Variants in FOXP1 observed in about 807,000 individuals in gnomAD.
FOXP1 encodes forkhead box protein P1.
FOXP1 carries 15 observed loss-of-function variants against 98.2 expected under a neutral mutation model. The ratio of observed to expected loss-of-function variants is 0.15; its 90% confidence interval spans 0.10 to 0.24. FOXP1 has a LOEUF of 0.24. Ranked by LOEUF, FOXP1 falls within the 10% of genes least tolerant of loss-of-function variation. The pLI, the probability that FOXP1 is intolerant of heterozygous loss-of-function variation, is 1.00. For synonymous variants in FOXP1, 371 were observed against 314.5 expected, an observed-to-expected ratio of 1.18 and a Z score of -1.90; for missense variants, 633 against 848.5, an observed-to-expected ratio of 0.75 and a Z score of 3.15.
At chr3:71,502,239 C>A (rs542383737) in intron 2 of FOXP1, among the ~76,000 whole-genome samples, 28 of 152,348 alleles carry the variant, frequency 1.8e-4, no homozygotes, top group African/African-American at 6.7e-4. Flanking sequence ...ACAAGGCAGG[C>A]CCCCTGCTAG....
chr3:71,415,237 C>T (rs1175571707), intron 3 of FOXP1, among the ~76,000 whole-genome samples: 2 of 152,172 alleles, frequency 1.3e-5, no homozygotes, highest in African/African-American at 4.8e-5. Context: ...AACCATCCTC[C>T]ATAGATTACC....
chr3:71,132,205 A>G (rs981657267), intron 6 of FOXP1, among the ~76,000 whole-genome samples: 2 of 152,238 alleles, frequency 1.3e-5, no homozygotes, highest in African/African-American at 4.8e-5. Context: ...CAGGAAAACC[A>G]TCTCTCAACA....
intron 3 of FOXP1, among the ~76,000 whole-genome samples, chr3:71,393,669 T>C (rs1370072470): frequency 1.3e-5 from 2 of 152,156 alleles, no homozygotes. Flanking sequence ...CTAAGCAAAA[T>C]GCAAAATTCT....
At chr3:71,214,991 G>T (rs554872270) in intron 5 of FOXP1, among the ~76,000 whole-genome samples, 1 of 152,304 alleles carries the variant, frequency 6.6e-6, no homozygotes, top group East Asian at 1.9e-4. Context: ...GTGGACAGCC[G>T]CAAAGGCATC....
At chr3:71,163,927 T>C (rs77342217) in intron 6 of FOXP1, among the ~76,000 whole-genome samples, 9,891 of 151,852 alleles carry the variant, frequency 0.065, 465 homozygotes, top group Non-Finnish European at 0.095. Context: ...CCACAGAGAG[T>C]GTGGAGAAAG....
intron 3 of FOXP1, among the ~76,000 whole-genome samples, chr3:71,448,899 A>T (rs1237240292): frequency 7.9e-5 from 12 of 152,172 alleles, no homozygotes; most frequent in Non-Finnish European, 1.5e-5. Context: ...TTCATGGAGG[A>T]CACTTGCAAC....
intron 7 of FOXP1, among the ~76,000 whole-genome samples, chr3:71,069,433 C>T (rs187176853): frequency 6.6e-6 from 1 of 152,328 alleles, no homozygotes; most frequent in East Asian, 1.9e-4. Context: ...CTGCATTTGA[C>T]AGTAATAAAT....
intron 12 of FOXP1, among the ~76,000 whole-genome samples, chr3:71,012,032 T>C (rs2043727244): frequency 6.6e-6 from 1 of 152,174 alleles, no homozygotes; most frequent in Admixed American, 6.6e-5. Flanking sequence ...TTTTTTACGG[T>C]AGGCATAAGT....
chr3:71,064,066 C>A (rs2051972450), intron 7 of FOXP1, among the ~76,000 whole-genome samples: 1 of 152,108 alleles, frequency 6.6e-6, no homozygotes, highest in South Asian at 2.1e-4. Context: ...TGCTGCACGT[C>A]CAAACCCAAA....
At chr3:71,464,967 T>G (rs2088540566) in intron 3 of FOXP1, among the ~76,000 whole-genome samples, 1 of 152,178 alleles carries the variant, frequency 6.6e-6, no homozygotes, top group African/African-American at 2.4e-5. Flanking sequence ...CTCATAGGGT[T>G]TTCTACCATG....
At chr3:71,428,905 G>A (rs1263812453) in intron 3 of FOXP1, among the ~76,000 whole-genome samples, 2 of 152,212 alleles carry the variant, frequency 1.3e-5, no homozygotes, top group East Asian at 3.8e-4. Context: ...CTGAAGCCGG[G>A]GCTTTCCTGG....
chr3:71,447,743 A>G (rs1293798755), intron 3 of FOXP1, among the ~76,000 whole-genome samples: 1 of 152,162 alleles, frequency 6.6e-6, no homozygotes, highest in Non-Finnish European at 1.5e-5. Context: ...CCTTTTTCAT[A>G]TATTTTTATT....
chr3:71,358,862 T>G (rs928300386), intron 4 of FOXP1, among the ~76,000 whole-genome samples: 3 of 152,162 alleles, frequency 2.0e-5, no homozygotes, highest in Non-Finnish European at 4.4e-5. Flanking sequence ...ACTGTATGGC[T>G]CATGAGGATG....
At position 71,493,411 on chromosome 3, in the gene FOXP1, C is replaced by T. The variant is rs2091202514; in HGVS notation, c.-168+15G>A. ...GAATTTTCAGATGAATAATCACAAA[C>T]ATTCATTCACTCACCCTTTTGGCTA... On this transcript the variant is annotated intron_variant, in intron 3 of 20. Transcript: ENST00000649528. 6.6e-6 allele frequency: 1 copy of T among 152,212 alleles called. No homozygotes were observed. Among genetic ancestry groups the T allele is most frequent in the South Asian group, 2.1e-4 (1 of 4,836 alleles). 9.4% of individuals were successfully genotyped at this position (152,212 alleles called of 1,614,324 possible).
chr3:71,408,662 C>A (rs2082513373), intron 3 of FOXP1, among the ~76,000 whole-genome samples: 1 of 152,184 alleles, frequency 6.6e-6, no homozygotes, highest in Non-Finnish European at 1.5e-5. Context: ...ATGTTCTGCT[C>A]TGCCATGATG....
intron 7 of FOXP1, among the ~76,000 whole-genome samples, chr3:71,096,373 G>C (rs2056456145): frequency 6.6e-6 from 1 of 152,102 alleles, no homozygotes; most frequent in Non-Finnish European, 1.5e-5. Context: ...AAGAGTTCCG[G>C]AGCCTAACTG....
intron 5 of FOXP1, among the ~76,000 whole-genome samples, chr3:71,281,089 C>T (rs1209115624): frequency 4.0e-5 from 6 of 148,932 alleles, no homozygotes; most frequent in African/African-American, 9.9e-5. Flanking sequence ...AGTAGCCAGG[C>T]GTCGTGGTGC....
At chr3:71,362,196 G>A (rs1486347208) in intron 3 of FOXP1, among the ~76,000 whole-genome samples, 7 of 152,098 alleles carry the variant, frequency 4.6e-5, no homozygotes, top group Non-Finnish European at 7.4e-5. Flanking sequence ...TTTTTGAGAT[G>A]GAGTCTCGCT....
chr3:71,291,834 G>A lies in FOXP1; in HGVS notation c.-12+7986C>T, dbSNP rs556778786. On this transcript the variant is annotated intron_variant, in intron 5 of 20. Coordinates refer to ENST00000649528, the MANE Select transcript of FOXP1 (RefSeq NM_001349338.3). ...TGATTTTCCTGCCTTAGCCTCCCAC[G>A]TAGCTGGGACTACAGGTGTGCGCCA... Among the ~76,000 whole-genome samples, 413 of 150,546 alleles carry A rather than the reference G, an allele frequency of 2.7e-3. 3 individuals are homozygous for A. The highest frequency in any genetic ancestry group is 9.8e-3 in the African/African-American group (402 of 41,004).
Sources: allele counts gnomAD v4.1 joint callset (sites outside exome capture counted in the v4.1 genomes callset), GRCh38; gene constraint gnomAD v4.1.1; transcripts MANE v1.5; gene names NCBI Gene and HGNC (gene_info 2026-07-23, HGNC 2026-07-21).